Variants in COG5 observed in about 807,000 individuals in gnomAD.
COG5 encodes the protein component of oligomeric golgi complex 5.
In COG5, 86 loss-of-function variants were observed where a neutral mutation model predicts 110.4. That is an observed-to-expected ratio of 0.78 (90% CI 0.65 to 0.93). The LOEUF (loss-of-function observed/expected upper bound fraction) is 0.93. Ranked by LOEUF, COG5 falls within the 40% of genes least tolerant of loss-of-function variation. The probability of loss-of-function intolerance (pLI) is 0.00; values close to 1 mark genes in which losing one functional copy is unlikely to be tolerated. For synonymous variants in COG5, 360 were observed against 334.6 expected (o/e 1.08, Z -0.83); for missense variants, 1,077 against 987.0 (o/e 1.09, Z -1.22).
chr7:107,224,967 C>T (rs939140674), intron 19 of COG5, among the ~76,000 whole-genome samples: 2 of 152,240 alleles, frequency 1.3e-5, no homozygotes, highest in African/African-American at 4.8e-5. Flanking sequence ...CTAATATCAC[C>T]ATCAAGAAGA....
intron 17 of COG5, among the ~76,000 whole-genome samples, chr7:107,246,762 G>A (rs545363758): frequency 7.2e-5 from 11 of 152,134 alleles, no homozygotes; most frequent in South Asian, 2.1e-4. Flanking sequence ...ACACTTATAC[G>A]CTGTGGTGGG....
At chr7:107,216,418 G>A (rs1488695379) in intron 19 of COG5, among the ~76,000 whole-genome samples, 1 of 152,192 alleles carries the variant, frequency 6.6e-6, no homozygotes. Flanking sequence ...GACATATACA[G>A]CATATTCTAT....
intron 18 of COG5, among the ~76,000 whole-genome samples, chr7:107,233,196 A>C (rs1178210831): frequency 6.6e-6 from 1 of 152,214 alleles, no homozygotes; most frequent in African/African-American, 2.4e-5. Flanking sequence ...TAAGAAAATA[A>C]ACTGAGGGGT....
intron 6 of COG5, among the ~76,000 whole-genome samples, chr7:107,517,096 G>A (rs1799975469): frequency 6.6e-6 from 1 of 152,156 alleles, no homozygotes; most frequent in Non-Finnish European, 1.5e-5. Context: ...ATGCAAAGAA[G>A]CTAAGAACCT....
Position 107,249,797 on chromosome 7 carries a change from G to A in COG5, c.1750-1298C>T, listed in dbSNP as rs148283113. Among the ~76,000 whole-genome samples the A allele has an allele frequency of 3.7e-3, 546 of 148,696 alleles. 2 individuals are homozygous for A. The highest frequency in any genetic ancestry group is 0.013 in the African/African-American group (517 of 40,820). The stretch of plus-strand genomic sequence containing the variant: ...AGAGTCTAGTGAGAATAGTTAAAAC[G>A]TTATGCATGTTGAGTAACCCAAAAT... On this transcript the variant is annotated intron_variant, in intron 16 of 21. Transcript: ENST00000297135.
chr7:107,328,530 A>T (rs1809966128), intron 10 of COG5, among the ~76,000 whole-genome samples: 2 of 152,234 alleles, frequency 1.3e-5, no homozygotes, highest in South Asian at 4.1e-4. Flanking sequence ...CAAAAAGATA[A>T]ATGCTGCAAG....
chr7:107,341,058 C>A (rs988676228), intron 10 of COG5, among the ~76,000 whole-genome samples: 1 of 152,180 alleles, frequency 6.6e-6, no homozygotes, highest in Non-Finnish European at 1.5e-5. Flanking sequence ...GAAAAAATAG[C>A]ATCCAATTTG....
Position 107,474,785 on chromosome 7 carries a change from T to A in COG5, c.538+52452A>T. On this transcript the variant is annotated intron_variant, in intron 6 of 21. Coordinates refer to ENST00000297135, the MANE Select transcript of COG5 (RefSeq NM_006348.5). This position sits in a 1 kb window ranked among gnomAD's most constrained non-coding sequence, Gnocchi z 5.7. ...ATACTTCAGGCTCTTAATATTCGAA[T>A]AGGCACAAGATTTTCAACAGGGCAG... 3 of 1,611,082 alleles carry A rather than the reference T, an allele frequency of 1.9e-6. No individual in the cohort carries two copies. Among genetic ancestry groups the A allele is most frequent in the Non-Finnish European group, 2.5e-6 (3 of 1,178,692 alleles).
intron 6 of COG5, among the ~76,000 whole-genome samples, chr7:107,512,298 T>G (rs1799579267): frequency 6.6e-6 from 1 of 152,180 alleles, no homozygotes; most frequent in African/African-American, 2.4e-5. Context: ...CATTCACAAT[T>G]GCTTCAAAGA....
chr7:107,405,787 G>A (rs1241323240), intron 7 of COG5, among the ~76,000 whole-genome samples: 1 of 152,166 alleles, frequency 6.6e-6, no homozygotes, highest in Non-Finnish European at 1.5e-5. Context: ...CCTTTGGGAG[G>A]TGACTATATC....
Position 107,362,070 on chromosome 7 carries a change from G to C in COG5, c.989C>G (p.Pro330Arg). 2 of 1,609,082 alleles carry C rather than the reference G, an allele frequency of 1.2e-6. No individual in the cohort carries two copies. The highest frequency in any genetic ancestry group is 1.7e-6 in the Non-Finnish European group (2 of 1,176,124). ...LQKVLAKKRD[P>R]VSHICFIEEI... ...TTCAATGAAACAAATGTGAGAAACA[G>C]GATCTCTCTTCTTGGCCAATACTTT... The change falls in exon 10 of 22, where the codon CCT (proline) becomes CGT (arginine). Residue 330 changes from proline to arginine, a missense_variant. Pro to Arg is a moderately radical substitution (Grantham distance 103). Transcript: ENST00000297135.
In COG5 at chr7:107,202,086, G is replaced by T. The variant is rs1329962709; in HGVS notation, c.*1430C>A. ...GCCATCCGTTATTATTTCCAATGGA[G>T]ACCTAGCCCAGGCCAAGGTAAAGTT... On this transcript the variant is annotated 3_prime_UTR_variant, in exon 22 of 22. Coordinates refer to ENST00000297135, the MANE Select transcript of COG5 (RefSeq NM_006348.5). 1 of 152,688 alleles carries T rather than the reference G, an allele frequency of 6.5e-6. No individual in the cohort carries two copies. The highest frequency in any genetic ancestry group is 2.4e-5 in the African/African-American group (1 of 41,468). 9.5% of individuals were successfully genotyped at this position (152,688 alleles called of 1,614,324 possible). A position where few individuals can be genotyped will look rare whatever the true frequency, so the allele number is the denominator to read the frequency against.
intron 6 of COG5, among the ~76,000 whole-genome samples, chr7:107,493,179 C>T (rs970092457): frequency 6.6e-6 from 1 of 152,176 alleles, no homozygotes; most frequent in African/African-American, 2.4e-5. Context: ...CTACCTTCCA[C>T]CACGTAAGGA....
intron 11 of COG5, among the ~76,000 whole-genome samples, chr7:107,320,008 G>C (rs1040639063): frequency 2.6e-5 from 4 of 152,102 alleles, no homozygotes; most frequent in Admixed American, 2.6e-4. Flanking sequence ...AAACTGAAAA[G>C]TATAATTCTT....
At chr7:107,440,257 T>C (rs1794627708) in intron 6 of COG5, among the ~76,000 whole-genome samples, 1 of 152,180 alleles carries the variant, frequency 6.6e-6, no homozygotes, top group Non-Finnish European at 1.5e-5. Flanking sequence ...CTTCAGTATG[T>C]ATTTGTTTGA....
At chr7:107,363,951 A>G (rs1254939283) in intron 8 of COG5, among the ~76,000 whole-genome samples, 1 of 149,472 alleles carries the variant, frequency 6.7e-6, no homozygotes, top group African/African-American at 2.5e-5. Flanking sequence ...GCAAAACTCC[A>G]TCTCAAAAAA....
chr7:107,349,340 G>A (rs1811921315), intron 10 of COG5, among the ~76,000 whole-genome samples: 1 of 151,968 alleles, frequency 6.6e-6, no homozygotes, highest in African/African-American at 2.4e-5. Context: ...CAGAAGTAGT[G>A]AAAACAAAAA....
chr7:107,230,828 A>G (rs1209290123), intron 18 of COG5, 137 bp from the exon 19 acceptor site: 20 of 691,610 alleles, frequency 2.9e-5, no homozygotes, highest in Admixed American at 4.4e-5. Flanking sequence ...GTGATGGCCA[A>G]CTAAATTTAT....
chr7:107,300,343 A>G (rs973619570), intron 11 of COG5, among the ~76,000 whole-genome samples: 3 of 152,160 alleles, frequency 2.0e-5, no homozygotes, highest in African/African-American at 4.8e-5. Context: ...GCCTAAGTAA[A>G]TAAGTAAATA....
Sources: gnomAD v4.1 joint callset for allele counts (sites outside exome capture counted in the v4.1 genomes callset) on GRCh38, gnomAD v4.1.1 for gene constraint, Gnocchi (gnomAD v3.1) non-coding constraint, MANE v1.5 for transcripts, NCBI Gene and HGNC (gene_info 2026-07-23, HGNC 2026-07-21) for gene names.